The following ZNF385B variants were observed in gnomAD, a reference collection of about 807,000 sequenced individuals.
ZNF385B encodes the protein zinc finger protein 385B.
A neutral mutation model predicts 39.2 loss-of-function variants in ZNF385B; 23 were observed. The ratio of observed to expected loss-of-function variants is 0.59; its 90% confidence interval spans 0.42 to 0.83. The LOEUF (loss-of-function observed/expected upper bound fraction) is 0.83, where lower values mean the gene tolerates loss of function less well. Ranked by LOEUF, ZNF385B falls within the 40% of genes least tolerant of loss-of-function variation. The pLI, the probability that ZNF385B is intolerant of heterozygous loss-of-function variation, is 0.00. For synonymous variants in ZNF385B, 205 were observed against 222.6 expected, an observed-to-expected ratio of 0.92 and a Z score of 0.70; for missense variants, 552 against 598.9, an observed-to-expected ratio of 0.92 and a Z score of 0.82.
intron 3 of ZNF385B, among the ~76,000 whole-genome samples, chr2:179,731,552 C>T (rs577724578): frequency 1.2e-4 from 19 of 152,342 alleles, no homozygotes; most frequent in South Asian, 2.1e-4. Flanking sequence ...TTAGAACAAA[C>T]TGAGGAGCTC....
chr2:179,735,982 TG>T, intron 3 of ZNF385B, among the ~76,000 whole-genome samples: 1 of 145,964 alleles, frequency 6.9e-6, no homozygotes, highest in Non-Finnish European at 1.5e-5. Flanking sequence ...TGTACACGTA[TG>T]TAACCTGCAC....
chr2:179,700,828 AC>A (rs1449802077), intron 3 of ZNF385B, among the ~76,000 whole-genome samples: 1 of 152,190 alleles, frequency 6.6e-6, no homozygotes, highest in Non-Finnish European at 1.5e-5. Context: ...CCTGGTTAAC[AC>A]GGTGAAACCC....
chr2:179,831,018 C>T (rs113320329), intron 1 of ZNF385B, among the ~76,000 whole-genome samples: 6,937 of 152,198 alleles, frequency 0.046, 269 homozygotes, highest in African/African-American at 0.11. Context: ...TAAAATTTCT[C>T]TTAAAAATAA....
intron 1 of ZNF385B, among the ~76,000 whole-genome samples, chr2:179,855,016 C>T (rs1358486886): frequency 6.6e-6 from 1 of 151,978 alleles, no homozygotes; most frequent in Non-Finnish European, 1.5e-5. Context: ...ATAACAATCT[C>T]GATAATCATG....
chr2:179,735,872 G>A (rs1246574791), intron 3 of ZNF385B, among the ~76,000 whole-genome samples: 4 of 130,738 alleles, frequency 3.1e-5, no homozygotes, highest in Admixed American at 8.3e-5. Context: ...TCACACTCTG[G>A]GGACTGTTGT....
chr2:179,521,621 A>G (rs1384651104), intron 4 of ZNF385B, among the ~76,000 whole-genome samples: 4 of 152,084 alleles, frequency 2.6e-5, no homozygotes, highest in African/African-American at 9.7e-5. Flanking sequence ...GAGCACTCCA[A>G]ATAGAAAGGT....
chr2:179,556,200 T>TA (rs771243587), intron 3 of ZNF385B, among the ~76,000 whole-genome samples: 6 of 148,760 alleles, frequency 4.0e-5, no homozygotes, highest in Admixed American at 6.7e-5. Context: ...TAAGTGTTGT[T>TA]AAAAAAAATG....
intron 3 of ZNF385B, among the ~76,000 whole-genome samples, chr2:179,740,290 C>T (rs1419302425): frequency 6.6e-6 from 1 of 152,154 alleles, no homozygotes; most frequent in African/African-American, 2.4e-5. Context: ...GAAATTCACA[C>T]ATCAAATTTG....
chr2:179,646,017 C>A (rs1012209703), intron 3 of ZNF385B, among the ~76,000 whole-genome samples: 1 of 152,218 alleles, frequency 6.6e-6, no homozygotes, highest in East Asian at 1.9e-4. Context: ...CACCTCAAGC[C>A]AGCTTCTTCC....
chr2:179,541,174 T>G (rs539328133), intron 4 of ZNF385B, among the ~76,000 whole-genome samples: 86 of 152,304 alleles, frequency 5.6e-4, no homozygotes, highest in Non-Finnish European at 7.2e-4. Context: ...TTATCATGTC[T>G]CTTTAAACTC....
At chr2:179,743,953 G>A (rs1386037030) in intron 3 of ZNF385B, among the ~76,000 whole-genome samples, 2 of 152,066 alleles carry the variant, frequency 1.3e-5, no homozygotes, top group East Asian at 3.9e-4. Flanking sequence ...AGTACAAATC[G>A]CTTATATCAA....
At chr2:179,693,268 C>G (rs949519354) in intron 3 of ZNF385B, among the ~76,000 whole-genome samples, 1 of 152,224 alleles carries the variant, frequency 6.6e-6, no homozygotes, top group Non-Finnish European at 1.5e-5. Flanking sequence ...CAATTCTCAT[C>G]TAACCCACCA....
intron 3 of ZNF385B, among the ~76,000 whole-genome samples, chr2:179,666,193 T>G (rs1244781069): frequency 6.6e-6 from 1 of 152,186 alleles, no homozygotes; most frequent in Non-Finnish European, 1.5e-5. Flanking sequence ...ATTAAGGAAA[T>G]CACCATAGGT....
intron 3 of ZNF385B, among the ~76,000 whole-genome samples, chr2:179,607,840 C>T (rs1214692709): frequency 6.6e-6 from 1 of 150,672 alleles, no homozygotes; most frequent in Non-Finnish European, 1.5e-5. Context: ...TTTACTTATA[C>T]AAACTTATCT....
intron 1 of ZNF385B, among the ~76,000 whole-genome samples, chr2:179,779,734 G>A (rs1704555075): frequency 6.6e-6 from 1 of 152,066 alleles, no homozygotes; most frequent in Non-Finnish European, 1.5e-5. Flanking sequence ...TGGGGGCAGA[G>A]GGAGAGACTA....
At chr2:179,758,780 A>C (rs62180377) in intron 3 of ZNF385B, among the ~76,000 whole-genome samples, 7,448 of 152,258 alleles carry the variant, frequency 0.049, 260 homozygotes, top group Middle Eastern at 0.099. Context: ...AAGCCATCTA[A>C]AACCATCTAA....
chr2:179,821,249 C>G (rs889363499), intron 1 of ZNF385B, among the ~76,000 whole-genome samples: 20 of 152,126 alleles, frequency 1.3e-4, no homozygotes, highest in Non-Finnish European at 1.5e-4. Flanking sequence ...AAGTAGTCAT[C>G]ATAAATGGAG....
chr2:179,732,379 A>T (rs2106430988), intron 3 of ZNF385B, among the ~76,000 whole-genome samples: 1 of 152,310 alleles, frequency 6.6e-6, no homozygotes, highest in South Asian at 2.1e-4. Context: ...AGCTGATCAT[A>T]ATAGGAAAAG....
chr2:179,514,578 A>C (rs2057945896), intron 5 of ZNF385B, among the ~76,000 whole-genome samples: 1 of 152,246 alleles, frequency 6.6e-6, no homozygotes, highest in Non-Finnish European at 1.5e-5. Flanking sequence ...AAAAAATGCA[A>C]GGCAAAGAAG....
Sources: allele counts gnomAD v4.1 joint callset (sites outside exome capture counted in the v4.1 genomes callset), GRCh38; gene constraint gnomAD v4.1.1; transcripts MANE v1.5; gene names NCBI Gene and HGNC (gene_info 2026-07-23, HGNC 2026-07-21).